Variants in PUM2 observed in about 807,000 individuals in gnomAD.
PUM2 encodes the protein pumilio RNA binding family member 2.
A neutral mutation model predicts 124.5 loss-of-function variants in PUM2; 57 were observed. The observed-to-expected ratio is 0.46, with a 90% CI of 0.37 to 0.57. PUM2 has a LOEUF of 0.57. Among genes scored for constraint, PUM2 ranks in the 20% least tolerant of loss-of-function variants. The probability of loss-of-function intolerance (pLI) is 0.00; values close to 1 mark genes in which losing one functional copy is unlikely to be tolerated. For synonymous variants in PUM2, 460 were observed against 446.1 expected, an observed-to-expected ratio of 1.03 and a Z score of -0.39; for missense variants, 1,065 against 1,290.6, an observed-to-expected ratio of 0.83 and a Z score of 2.68.
Position 20,253,498 on chromosome 2 carries a change from GT to G in PUM2, c.3063+323del, listed in dbSNP as rs1275717183. On this transcript the variant is annotated intron_variant, in intron 20 of 20. Coordinates refer to ENST00000361078, the MANE Select transcript of PUM2 (RefSeq NM_015317.5). ...ACTAAAGGGTTGCACCATGATGCTTGTCTAATTGTTTTTCTTTTTTTTTTTT... is the reference window on the plus strand; with the variant it reads ...ACTAAAGGGTTGCACCATGATGCTTGCTAATTGTTTTTCTTTTTTTTTTTT... 5.9e-5 allele frequency among the ~76,000 whole-genome samples: 9 copies of G among 151,478 alleles called. No individual in the cohort carries two copies. The South Asian group carries it at 1.7e-3, about 28-fold the overall frequency.
In PUM2 at chr2:20,277,425, C is replaced by T. The variant is rs527804517; in HGVS notation, c.1957+1158G>A. On this transcript the variant is annotated intron_variant, in intron 13 of 20. Transcript: ENST00000361078. Reference sequence around the variant, plus strand: ...TGGATCTTAGGGCTCCATTTGAATACATTAATTGGCTGTATATGTTCAGTA... The same window carrying T: ...TGGATCTTAGGGCTCCATTTGAATATATTAATTGGCTGTATATGTTCAGTA... Among the ~76,000 whole-genome samples, 6 of 152,116 alleles carry T rather than the reference C, an allele frequency of 3.9e-5. No homozygotes were observed. In the South Asian group the frequency reaches 8.3e-4, roughly 21 times the overall value.
At chr2:20,347,981 A>G (rs1400111684) in intron 1 of PUM2, among the ~76,000 whole-genome samples, 1 of 152,166 alleles carries the variant, frequency 6.6e-6, no homozygotes, top group East Asian at 1.9e-4. Context: ...AAGCGAAGTG[A>G]GGAGGCAGGA....
intron 12 of PUM2, among the ~76,000 whole-genome samples, chr2:20,280,552 A>AT (rs1671272669): frequency 6.6e-6 from 1 of 152,186 alleles, no homozygotes; most frequent in African/African-American, 2.4e-5. Flanking sequence ...CAGCTCTAAT[A>AT]AGAGCAGCAT....
At chr2:20,270,127 C>CA (rs563966096) in intron 13 of PUM2, among the ~76,000 whole-genome samples, 41 of 152,128 alleles carry the variant, frequency 2.7e-4, no homozygotes, top group Non-Finnish European at 4.0e-4. Flanking sequence ...CCTAACCCCG[C>CA]AAAAGAGTAG....
rs149131680 is a variant in PUM2, at chr2:20,310,858, G to A, written c.518+636C>T. Among the ~76,000 whole-genome samples the A allele has an allele frequency of 5.3e-5, 8 of 151,996 alleles. No homozygotes were observed. The East Asian group carries it at 1.5e-3, about 29-fold the overall frequency. On this transcript the variant is annotated intron_variant, in intron 5 of 20. Coordinates refer to ENST00000361078, the MANE Select transcript of PUM2 (RefSeq NM_015317.5). ...CCTAATATATAGATAAATATATACT[G>A]TCTAATCTAAGACCAAAGGCTAAAG...
chr2:20,298,834 G>A (rs932553547), intron 7 of PUM2, among the ~76,000 whole-genome samples: 11 of 152,146 alleles, frequency 7.2e-5, no homozygotes, highest in Non-Finnish European at 2.9e-5. Flanking sequence ...GCGAGACTCC[G>A]TCTCAGAATA....
chr2:20,344,223 A>G (rs1301477859), intron 1 of PUM2, among the ~76,000 whole-genome samples: 1 of 152,026 alleles, frequency 6.6e-6, no homozygotes, highest in Non-Finnish European at 1.5e-5. Context: ...GCGAGCCACC[A>G]TGCCCAGCTA....
At chr2:20,315,836 C>CAAA (rs60828412) in intron 3 of PUM2, among the ~76,000 whole-genome samples, 301 of 72,096 alleles carry the variant, frequency 4.2e-3, no homozygotes, top group African/African-American at 5.3e-3. Context: ...AACCTGGTCT[C>CAAA]AAAAAAAAAA....
intron 14 of PUM2, among the ~76,000 whole-genome samples, chr2:20,261,158 A>C (rs1292672409): frequency 6.6e-6 from 1 of 152,134 alleles, no homozygotes; most frequent in African/African-American, 2.4e-5. Context: ...TGGGAGGCAG[A>C]GGTGGGTGGA....
In PUM2 at chr2:20,256,174, C is replaced by T; in HGVS notation, c.2485-4G>A. On this transcript the variant is annotated splice_region_variant and splice_polypyrimidine_tract_variant and intron_variant, in intron 16 of 20. Transcript: ENST00000361078. Reference sequence around the variant, plus strand: ...CCAGCTCCTTTACCATTTCACTCTGCAAAAGACAGGATGTCATTTAAATTA... The same window carrying T: ...CCAGCTCCTTTACCATTTCACTCTGTAAAAGACAGGATGTCATTTAAATTA... The T allele has an allele frequency of 6.3e-7, 1 of 1,581,670 alleles. No individual in the cohort carries two copies. Among genetic ancestry groups the T allele is most frequent in the Non-Finnish European group, 8.6e-7 (1 of 1,169,304 alleles).
At position 20,276,265 on chromosome 2, in the gene PUM2, T is replaced by TG. The variant is rs1016140507; in HGVS notation, c.1957+2317_1957+2318insC. On this transcript the variant is annotated intron_variant, in intron 13 of 20. Transcript: ENST00000361078. Reference sequence around the variant, plus strand: ...TATCTTAAAAAATGAAAACTTTTTTTTTTTTTTTTGAAAGACAGCACAGAC... The same window carrying TG: ...TATCTTAAAAAATGAAAACTTTTTTTGTTTTTTTTTGAAAGACAGCACAGAC... Among the ~76,000 whole-genome samples the TG allele has an allele frequency of 3.9e-4, 59 of 151,746 alleles. 1 individual carries two copies. The highest frequency in any genetic ancestry group is 1.4e-3 in the African/African-American group (59 of 41,432).
At position 20,251,627 on chromosome 2, in the gene PUM2, C is replaced by T. The variant is rs191721728; in HGVS notation, c.3153G>A (p.Pro1051=). 91 of 1,613,780 alleles carry T rather than the reference C, an allele frequency of 5.6e-5. No homozygotes were observed. The East Asian group carries it at 1.0e-3, about 18-fold the overall frequency. ...KLEKYYLKNS[P]DLGPIGGPPN... Reference sequence around the variant, plus strand: ...GTGGTCCTCCAATAGGTCCTAGGTCCGGGCTATTCTTCAAATAATACTTTT... The same window carrying T: ...GTGGTCCTCCAATAGGTCCTAGGTCTGGGCTATTCTTCAAATAATACTTTT... Residue 1051 remains proline, a synonymous_variant, in exon 21 of 21, where the codon CCG becomes CCA. Coordinates refer to ENST00000361078, the MANE Select transcript of PUM2 (RefSeq NM_015317.5).
chr2:20,335,088 A>C (rs1377280418), intron 1 of PUM2, among the ~76,000 whole-genome samples: 1 of 152,006 alleles, frequency 6.6e-6, no homozygotes, highest in Non-Finnish European at 1.5e-5. Flanking sequence ...CACCCCCAGC[A>C]AATTTTTGTA....
chr2:20,318,583 T>A lies in PUM2; in HGVS notation c.114A>T (p.Ile38=), dbSNP rs199762988. 8.1e-6 allele frequency: 13 copies of A among 1,613,790 alleles called. No individual in the cohort carries two copies. Among genetic ancestry groups the A allele is most frequent in the Admixed American group, 1.7e-5 (1 of 60,014 alleles). Residue 38 remains isoleucine, a synonymous_variant, in exon 3 of 21, where the codon ATA becomes ATT. Transcript: ENST00000361078. ...CTCTCCATTCATCATCCCCAAGAAATATGCCTTTTTGTCCATCTTTTGTTG... is the reference window on the plus strand; with the variant it reads ...CTCTCCATTCATCATCCCCAAGAAAAATGCCTTTTTGTCCATCTTTTGTTG... The part of the protein sequence containing the change: ...DDSTKDGQKG[I]FLGDDEWRET...
chr2:20,256,182 AG>A lies in PUM2; in HGVS notation c.2485-13del. ...TTTACCATTTCACTCTGCAAAAGAC[AG>A]GATGTCATTTAAATTATTACCTCAA... On this transcript the variant is annotated splice_polypyrimidine_tract_variant and intron_variant, in intron 16 of 20. Transcript: ENST00000361078. The A allele has an allele frequency of 1.3e-6, 2 of 1,573,696 alleles. No homozygotes were observed. The highest frequency in any genetic ancestry group is 1.7e-6 in the Non-Finnish European group (2 of 1,166,974).
chr2:20,272,538 A>G (rs777762520), intron 13 of PUM2, among the ~76,000 whole-genome samples: 12 of 152,184 alleles, frequency 7.9e-5, no homozygotes. Flanking sequence ...CTATTTATTT[A>G]TCCTTGTGCC....
At chr2:20,297,751 C>T (rs1025547774) in intron 7 of PUM2, 73 bp from the exon 8 acceptor site, 52 of 1,372,792 alleles carry the variant, frequency 3.8e-5, no homozygotes, top group Non-Finnish European at 5.0e-5. Context: ...AAAAACATTT[C>T]TACTCTGAAT....
In PUM2 at chr2:20,249,908, T is replaced by C. The variant is rs1662900945; in HGVS notation, c.*1677A>G. The C allele has an allele frequency of 6.6e-6, 1 of 152,646 alleles. No individual in the cohort carries two copies. The highest frequency in any genetic ancestry group is 1.5e-5 in the Non-Finnish European group (1 of 68,028). 9.5% of individuals were successfully genotyped at this position (152,646 alleles called of 1,614,324 possible). On this transcript the variant is annotated 3_prime_UTR_variant, in exon 21 of 21. Transcript: ENST00000361078. ...AATTATACACATATGGTCACAATTTTGCCTTAAAAAGATTGTTGGGAAATG... is the reference window on the plus strand; with the variant it reads ...AATTATACACATATGGTCACAATTTCGCCTTAAAAAGATTGTTGGGAAATG...
chr2:20,342,550 A>C (rs1448801750), intron 1 of PUM2, among the ~76,000 whole-genome samples: 2 of 152,258 alleles, frequency 1.3e-5, no homozygotes, highest in Non-Finnish European at 2.9e-5. Flanking sequence ...AACTTAAAGA[A>C]AAATGAATGT....
Sources: allele counts gnomAD v4.1 joint callset (sites outside exome capture counted in the v4.1 genomes callset), GRCh38; gene constraint gnomAD v4.1.1; transcripts MANE v1.5; gene names NCBI Gene and HGNC (gene_info 2026-07-23, HGNC 2026-07-21).